Variants in RBFOX1 observed in about 807,000 individuals in gnomAD.
The protein encoded by RBFOX1 is RNA binding fox-1 homolog 1, also known as RNA binding protein fox-1 homolog 1.
RBFOX1 carries 8 observed loss-of-function variants against 57.7 expected under a neutral mutation model. The observed-to-expected ratio is 0.14, with a 90% CI of 0.08 to 0.25. RBFOX1 has a LOEUF of 0.25. Ranked by LOEUF, RBFOX1 falls within the 10% of genes least tolerant of loss-of-function variation. The pLI is 1.00. For synonymous variants in RBFOX1, 326 were observed against 222.4 expected, an observed-to-expected ratio of 1.47 and a Z score of -4.15; for missense variants, 611 against 548.5, an observed-to-expected ratio of 1.11 and a Z score of -1.14.
chr16:6,465,579 C>T (rs1245327381), intron 2 of RBFOX1, among the ~76,000 whole-genome samples: 1 of 149,636 alleles, frequency 6.7e-6, no homozygotes, highest in Non-Finnish European at 1.5e-5. Context: ...AGAGTCTTCT[C>T]AGTTATAGAT....
intron 2 of RBFOX1, among the ~76,000 whole-genome samples, chr16:6,447,320 A>G (rs62015241): frequency 6.6e-6 from 1 of 152,008 alleles, no homozygotes; most frequent in Non-Finnish European, 1.5e-5. Flanking sequence ...TAGCTACCGG[A>G]TAATTTAGTA....
chr16:7,390,742 G>A (rs1295399516), intron 4 of RBFOX1, among the ~76,000 whole-genome samples: 1 of 152,154 alleles, frequency 6.6e-6, no homozygotes, highest in Non-Finnish European at 1.5e-5. Flanking sequence ...AATGCATTTA[G>A]AGATTTGTTT....
chr16:5,756,462 A>T (rs773605166), intron 3 of RBFOX1, among the ~76,000 whole-genome samples: 10 of 152,102 alleles, frequency 6.6e-5, no homozygotes, highest in Non-Finnish European at 1.2e-4. Context: ...GGAGTTTGTC[A>T]CATCTCCCAA....
At chr16:7,372,674 C>T (rs1296367396) in intron 4 of RBFOX1, among the ~76,000 whole-genome samples, 1 of 151,978 alleles carries the variant, frequency 6.6e-6, no homozygotes, top group Non-Finnish European at 1.5e-5. Flanking sequence ...TTTTTCCATT[C>T]TTCCATAATA....
intron 3 of RBFOX1, among the ~76,000 whole-genome samples, chr16:5,633,119 A>C (rs541943384): frequency 8.6e-5 from 13 of 151,976 alleles, no homozygotes; most frequent in African/African-American, 3.1e-4. Context: ...TTGTATTTTT[A>C]ATAGAGACGG....
At chr16:5,771,291 C>T (rs538878487) in intron 3 of RBFOX1, among the ~76,000 whole-genome samples, 6 of 152,308 alleles carry the variant, frequency 3.9e-5, no homozygotes, top group South Asian at 2.1e-4. Flanking sequence ...AGGGACTCTC[C>T]TTCTGAGGAG....
At chr16:7,173,006 C>G (rs1207810949) in intron 4 of RBFOX1, among the ~76,000 whole-genome samples, 1 of 152,084 alleles carries the variant, frequency 6.6e-6, no homozygotes, top group African/African-American at 2.4e-5. Flanking sequence ...GAAAAACTAC[C>G]ACGTGTGTAT....
intron 11 of RBFOX1, among the ~76,000 whole-genome samples, chr16:7,637,690 C>G (rs766561755): frequency 2.0e-5 from 3 of 152,178 alleles, no homozygotes; most frequent in Non-Finnish European, 4.4e-5. Flanking sequence ...AGAATTGTGT[C>G]TTCTTTTTCC....
chr16:6,703,886 G>A (rs956450045), intron 3 of RBFOX1: 3 of 152,122 alleles, frequency 2.0e-5, no homozygotes, highest in Non-Finnish European at 4.4e-5. Flanking sequence ...TTACACCTGA[G>A]GCTACAGCAG....
chr16:5,717,759 G>C (rs2051767057), intron 3 of RBFOX1, among the ~76,000 whole-genome samples: 1 of 152,278 alleles, frequency 6.6e-6, no homozygotes, highest in East Asian at 1.9e-4. Flanking sequence ...AATAATTCTT[G>C]TTTGCAAGAA....
chr16:6,457,682 G>A (rs2094810929), intron 2 of RBFOX1, among the ~76,000 whole-genome samples: 1 of 152,230 alleles, frequency 6.6e-6, no homozygotes, highest in African/African-American at 2.4e-5. Context: ...GCCTCTTTGA[G>A]GCACAGGAGT....
chr16:6,083,356 T>C (rs759349507), intron 1 of RBFOX1, among the ~76,000 whole-genome samples: 3 of 152,200 alleles, frequency 2.0e-5, no homozygotes, highest in Non-Finnish European at 4.4e-5. Context: ...GTCACAGACA[T>C]TTATGGAGAC....
chr16:6,656,973 C>T (rs2098660969), intron 3 of RBFOX1, among the ~76,000 whole-genome samples: 16 of 128,176 alleles, frequency 1.2e-4, no homozygotes, highest in South Asian at 2.9e-4. Flanking sequence ...CTCTCCTCTC[C>T]TCCCCTTTCC....
intron 10 of RBFOX1, among the ~76,000 whole-genome samples, chr16:7,617,706 G>T (rs527675709): frequency 6.6e-6 from 1 of 152,152 alleles, no homozygotes; most frequent in Non-Finnish European, 1.5e-5. Context: ...TAGACACTGT[G>T]CTAGGTGCCG....
intron 5 of RBFOX1, among the ~76,000 whole-genome samples, chr16:7,578,443 C>G (rs950282568): frequency 3.9e-5 from 6 of 152,154 alleles, no homozygotes; most frequent in Non-Finnish European, 5.9e-5. Context: ...AAATGCGATT[C>G]AGGGTGTGTT....
intron 3 of RBFOX1, among the ~76,000 whole-genome samples, chr16:6,941,919 C>T (rs1194523171): frequency 1.3e-5 from 2 of 152,202 alleles, no homozygotes; most frequent in African/African-American, 4.8e-5. Flanking sequence ...GCAGTCCTCC[C>T]GCTTCAGTCT....
In RBFOX1 at chr16:7,347,556, G is replaced by A. The variant is rs9941105; in HGVS notation, c.28-170591G>A. Among the ~76,000 whole-genome samples, 4 of 151,798 alleles carry A rather than the reference G, an allele frequency of 2.6e-5. No homozygotes were observed. In the East Asian group the frequency reaches 5.8e-4, roughly 22 times the overall value. Reference sequence around the variant, plus strand: ...GACTTGGGTGAGGACACAGCCAAACGATATCAAGTGGACACCTGGAATTAT... The same window carrying A: ...GACTTGGGTGAGGACACAGCCAAACAATATCAAGTGGACACCTGGAATTAT... On this transcript the variant is annotated intron_variant, in intron 4 of 15. Coordinates refer to ENST00000550418, the MANE Select transcript of RBFOX1 (RefSeq NM_018723.4).
At chr16:7,109,259 G>C (rs955274090) in intron 4 of RBFOX1, among the ~76,000 whole-genome samples, 1 of 152,100 alleles carries the variant, frequency 6.6e-6, no homozygotes, top group Non-Finnish European at 1.5e-5. Flanking sequence ...ATATATTATT[G>C]GATGCAAACG....
chr16:7,253,545 C>G (rs978273314), intron 4 of RBFOX1, among the ~76,000 whole-genome samples: 2 of 152,160 alleles, frequency 1.3e-5, no homozygotes, highest in African/African-American at 4.8e-5. Context: ...ATTAAATGCA[C>G]TCTCACCTCT....
Sources: gnomAD v4.1 joint callset for allele counts (sites outside exome capture counted in the v4.1 genomes callset) on GRCh38, gnomAD v4.1.1 for gene constraint, MANE v1.5 for transcripts, NCBI Gene and HGNC (gene_info 2026-07-23, HGNC 2026-07-21) for gene names.